The following ETS1 variants were observed in gnomAD, a reference collection of about 807,000 sequenced individuals.
ETS1 encodes the protein ETS proto-oncogene 1, transcription factor.
In ETS1, 15 loss-of-function variants were observed where a neutral mutation model predicts 58.6. The ratio of observed to expected loss-of-function variants is 0.26; its 90% CI spans 0.17 to 0.39. The LOEUF is 0.39. Ranked by LOEUF, ETS1 falls within the 10% of genes least tolerant of loss-of-function variation. The pLI, the probability that ETS1 is intolerant of heterozygous loss-of-function variation, is 1.00. For synonymous variants in ETS1, 214 were observed against 218.2 expected (o/e 0.98, Z 0.17); for missense variants, 417 against 610.5 (o/e 0.68, Z 3.34).
chr11:128,479,456 T>C (rs1180659072), intron 8 of ETS1, among the ~76,000 whole-genome samples: 2 of 152,250 alleles, frequency 1.3e-5, no homozygotes, highest in East Asian at 3.8e-4. Flanking sequence ...ACTCTCCACA[T>C]GTTTTTCTGG....
rs903224470 is a variant in ETS1, at chr11:128,459,805, C to A, written c.*2556G>T. ...TAGAGAGAAAGGGAATTTTAGCAAA[C>A]AAGCGGGCGGAGGAGCACTAGGAGG... On this transcript the variant is annotated 3_prime_UTR_variant, in exon 10 of 10. Transcript: ENST00000392668. 5.9e-5 allele frequency: 9 copies of A among 152,660 alleles called. No individual in the cohort carries two copies. The highest frequency in any genetic ancestry group is 2.2e-4 in the African/African-American group (9 of 41,426). 9.5% of individuals were successfully genotyped at this position (152,660 alleles called of 1,614,324 possible).
At chr11:128,578,103 T>C (rs895558152) in intron 1 of ETS1, among the ~76,000 whole-genome samples, 1 of 152,144 alleles carries the variant, frequency 6.6e-6, no homozygotes, top group Non-Finnish European at 1.5e-5. Context: ...AGAGTTCTAT[T>C]CTTCATAGAG....
At chr11:128,481,815 T>C (rs1038180725) in intron 7 of ETS1, among the ~76,000 whole-genome samples, 1 of 152,212 alleles carries the variant, frequency 6.6e-6, no homozygotes, top group Non-Finnish European at 1.5e-5. Context: ...TAGGAAAATA[T>C]GTTGCTCCCA....
intron 2 of ETS1, chr11:128,572,351 A>G (rs1157432256): frequency 1.3e-5 from 2 of 152,184 alleles, no homozygotes; most frequent in Non-Finnish European, 2.9e-5. Context: ...TATGATGGCT[A>G]TCTTTGAATA....
rs1864667415 is a variant in ETS1 at position 128,573,004 on chromosome 11, C to A, written c.69+58G>T. On this transcript the variant is annotated intron_variant, in intron 2 of 9. Coordinates refer to ENST00000392668, the MANE Select transcript of ETS1 (RefSeq NM_001143820.2). ...ACTGGGGGTCAGGATACAGGAAGCA[C>A]AAGGAGGAGGGGAGAAGATTGTGTG... 6 of 1,397,392 alleles carry A rather than the reference C, an allele frequency of 4.3e-6. No homozygotes were observed. In the South Asian group the frequency reaches 6.1e-5, roughly 14 times the overall value. 86.6% of individuals were successfully genotyped at this position (1,397,392 alleles called of 1,614,324 possible).
chr11:128,537,262 T>C (rs544683042), intron 3 of ETS1, among the ~76,000 whole-genome samples: 2 of 152,224 alleles, frequency 1.3e-5, no homozygotes, highest in Non-Finnish European at 2.9e-5. Context: ...CTTTTATCAC[T>C]ATGTACCATA....
At chr11:128,558,372 C>T (rs996192834) in intron 2 of ETS1, among the ~76,000 whole-genome samples, 14 of 152,266 alleles carry the variant, frequency 9.2e-5, no homozygotes, top group African/African-American at 2.4e-4. Context: ...TGGCCGGGCG[C>T]GGTGGCTCAC....
chr11:128,505,242 G>A (rs963214604), intron 3 of ETS1: 4 of 152,250 alleles, frequency 2.6e-5, no homozygotes, highest in African/African-American at 4.8e-5. Context: ...CATGGTGATA[G>A]GGTTGAGGGA....
chr11:128,508,616 A>T (rs1591629013), intron 3 of ETS1, among the ~76,000 whole-genome samples: 1 of 152,308 alleles, frequency 6.6e-6, no homozygotes, highest in East Asian at 1.9e-4. Context: ...GGGCTTAGGT[A>T]CCCAAAGAGA....
intron 1 of ETS1, among the ~76,000 whole-genome samples, chr11:128,573,497 C>A (rs946798266): frequency 6.6e-6 from 1 of 152,030 alleles, no homozygotes; most frequent in Admixed American, 6.5e-5. Context: ...CACAACCAGG[C>A]CTGGCAGATA....
At chr11:128,563,379 T>C (rs1350217592) in intron 2 of ETS1, among the ~76,000 whole-genome samples, 2 of 152,220 alleles carry the variant, frequency 1.3e-5, no homozygotes, top group Non-Finnish European at 2.9e-5. Context: ...AGGAATGTCA[T>C]AGATGCTCAT....
At chr11:128,484,674 A>T in intron 7 of ETS1, 149 bp downstream of exon 7, 1 of 650,518 alleles carries the variant, frequency 1.5e-6, no homozygotes, top group Non-Finnish European at 2.6e-6. Flanking sequence ...GAAAGTTCTT[A>T]GTATCTGGAC....
chr11:128,500,183 G>A (rs537828566), intron 3 of ETS1, among the ~76,000 whole-genome samples: 7 of 152,228 alleles, frequency 4.6e-5, no homozygotes, highest in African/African-American at 1.2e-4. Flanking sequence ...TCAGACAGAG[G>A]AGGAGAGCTG....
intron 3 of ETS1, among the ~76,000 whole-genome samples, chr11:128,519,006 A>C (rs1298951209): frequency 6.6e-6 from 1 of 152,184 alleles, no homozygotes; most frequent in African/African-American, 2.4e-5. Flanking sequence ...TGGCTTTGGC[A>C]CCTGGCCCCT....
intron 3 of ETS1, among the ~76,000 whole-genome samples, chr11:128,530,620 C>T (rs1799428282): frequency 6.6e-6 from 1 of 152,052 alleles, no homozygotes; most frequent in African/African-American, 2.4e-5. Flanking sequence ...CACAAAAAGG[C>T]CTTGGGTGGG....
intron 3 of ETS1, among the ~76,000 whole-genome samples, chr11:128,501,081 C>A (rs534882145): frequency 6.6e-6 from 1 of 152,170 alleles, no homozygotes; most frequent in Admixed American, 6.5e-5. Context: ...TATCTGGCAG[C>A]TTTTCCCCTG....
intron 3 of ETS1, among the ~76,000 whole-genome samples, chr11:128,540,023 A>G (rs1254572477): frequency 6.6e-6 from 1 of 152,220 alleles, no homozygotes; most frequent in African/African-American, 2.4e-5. Context: ...AAGAAGAATA[A>G]AAATGTTGCT....
intron 1 of ETS1, among the ~76,000 whole-genome samples, chr11:128,582,298 C>G (rs1864890770): frequency 6.6e-6 from 1 of 152,138 alleles, no homozygotes; most frequent in South Asian, 2.1e-4. Context: ...GTTTCCTCAA[C>G]TATAAAATGC....
Position 128,462,017 on chromosome 11 carries a change from T to C in ETS1, c.*344A>G, listed in dbSNP as rs1353689267. Reference sequence around the variant, plus strand: ...TGTGACAATGTCACTTGCTAATGGGTCCACAACTCAAGACACTTTTTCATG... The same window carrying C: ...TGTGACAATGTCACTTGCTAATGGGCCCACAACTCAAGACACTTTTTCATG... On this transcript the variant is annotated 3_prime_UTR_variant, in exon 10 of 10. Transcript: ENST00000392668. 3 of 221,530 alleles carry C rather than the reference T, an allele frequency of 1.4e-5. No homozygotes were observed. The highest frequency in any genetic ancestry group is 2.7e-5 in the Non-Finnish European group (3 of 109,834). The allele number at this position is 221,530 out of a possible 1,614,324, so 13.7% of individuals were successfully genotyped here.
Sources: allele counts gnomAD v4.1 joint callset (sites outside exome capture counted in the v4.1 genomes callset), GRCh38; gene constraint gnomAD v4.1.1; transcripts MANE v1.5; gene names NCBI Gene and HGNC (gene_info 2026-07-23, HGNC 2026-07-21).